EDEM3: variants seen among roughly 807,000 people sequenced by gnomAD.
EDEM3 encodes ER degradation enhancing alpha-mannosidase like protein 3, also known as ER degradation-enhancing alpha-mannosidase-like protein 3.
Under a neutral mutation model 110.2 loss-of-function variants are expected in EDEM3, and 60 were observed. The ratio of observed to expected loss-of-function variants is 0.54; its 90% CI spans 0.44 to 0.67. The LOEUF is 0.67. EDEM3 is among the 30% of genes least tolerant of loss of function. EDEM3 has a pLI of 0.00. For missense variants in EDEM3, 996 were observed against 1,121.0 expected (o/e 0.89, Z 1.59); for synonymous variants, 352 against 382.9 (o/e 0.92, Z 0.94).
chr1:184,754,495 T>G lies in EDEM3; in HGVS notation c.152A>C (p.Lys51Thr). The stretch of plus-strand genomic sequence containing the variant: ...AGGCTGCCAGCACCCTTACCCAAGC[T>G]TCTGTTTCTCCTCCCTACTCATGGG... Reference protein sequence around the residue: ...AEPMSREEKQKLGNQVLEMFD... With the variant: ...AEPMSREEKQTLGNQVLEMFD... Residue 51 changes from lysine to threonine, a missense_variant, in exon 1 of 20, where the codon AAG becomes ACG. Transcript: ENST00000318130. 6.2e-7 allele frequency: 1 copy of G among 1,611,442 alleles called. No homozygotes were observed.
In EDEM3 at chr1:184,754,658, T is replaced by C. The variant is rs760339526; in HGVS notation, c.-12A>G. 1.3e-6 allele frequency: 2 copies of C among 1,541,918 alleles called. No individual in the cohort carries two copies. On this transcript the variant is annotated 5_prime_UTR_variant, in exon 1 of 20. Coordinates refer to ENST00000318130, the MANE Select transcript of EDEM3 (RefSeq NM_025191.4). ...CCGGCTTCGCTCATGGCCCCGCGGT[T>C]CCGCGCACGCGCAGCTGCTACGCCC...
intron 15 of EDEM3, among the ~76,000 whole-genome samples, chr1:184,710,750 AG>A (rs988054962): frequency 5.9e-5 from 9 of 152,202 alleles, no homozygotes; most frequent in African/African-American, 2.2e-4. Context: ...TAGTTATAAA[AG>A]TTTGTATATT....
chr1:184,742,051 C>T (rs1172162098), intron 2 of EDEM3, among the ~76,000 whole-genome samples: 1 of 152,166 alleles, frequency 6.6e-6, no homozygotes, highest in Non-Finnish European at 1.5e-5. Context: ...CAACTCTCTC[C>T]TACTGCCTCT....
intron 9 of EDEM3, among the ~76,000 whole-genome samples, chr1:184,719,867 A>T (rs1041715952): frequency 7.9e-5 from 12 of 152,206 alleles, no homozygotes; most frequent in Admixed American, 7.9e-4. Flanking sequence ...CGTGGTTGGT[A>T]TGACTTTGCG....
Position 184,693,965 on chromosome 1 carries a change from G to T in EDEM3, c.*98C>A. 1.6e-6 allele frequency: 2 copies of T among 1,285,988 alleles called. No homozygotes were observed. Among genetic ancestry groups the T allele is most frequent in the Non-Finnish European group, 1.1e-6 (1 of 935,228 alleles). 79.7% of individuals were successfully genotyped at this position (1,285,988 alleles called of 1,614,324 possible). A position where few individuals can be genotyped will look rare whatever the true frequency, so the allele number is the denominator to read the frequency against. ...GTGGTTGTTCATCACCATACTTAAAGCCTCCCATTAGAAAGCCTGCTTAGT... is the reference window on the plus strand; with the variant it reads ...GTGGTTGTTCATCACCATACTTAAATCCTCCCATTAGAAAGCCTGCTTAGT... On this transcript the variant is annotated 3_prime_UTR_variant, in exon 20 of 20. Coordinates refer to ENST00000318130, the MANE Select transcript of EDEM3 (RefSeq NM_025191.4).
At chr1:184,708,454 C>CT in intron 16 of EDEM3, 110 bp from the exon 17 acceptor site, 1 of 1,033,594 alleles carries the variant, frequency 9.7e-7, no homozygotes, top group Non-Finnish European at 1.4e-6. Flanking sequence ...CTTCTTCTTT[C>CT]ACTTTAGGTC....
rs1558057577 is a variant in EDEM3, at chr1:184,723,864, TTAAAA to T, written c.748-13_748-9del. 1.5e-6 allele frequency: 2 copies of T among 1,304,304 alleles called. No homozygotes were observed. Among genetic ancestry groups the T allele is most frequent in the Admixed American group, 3.6e-5 (1 of 27,912 alleles). 80.8% of individuals were successfully genotyped at this position (1,304,304 alleles called of 1,614,324 possible). A position where few individuals can be genotyped will look rare whatever the true frequency, so the allele number is the denominator to read the frequency against. On this transcript the variant is annotated splice_polypyrimidine_tract_variant and intron_variant, in intron 7 of 19. Transcript: ENST00000318130. ...AGCTTTTCTGGCATATTCCTGTAAT[TTAAAA>T]AAAAAAAAAAAAAAAAGAAGTGCAT...
Position 184,737,077 on chromosome 1 carries a change from C to T in EDEM3, c.306-13G>A, listed in dbSNP as rs1558066688. The T allele has an allele frequency of 5.1e-6, 8 of 1,554,116 alleles. No homozygotes were observed. The highest frequency in any genetic ancestry group is 3.4e-5 in the South Asian group (3 of 88,984). On this transcript the variant is annotated splice_polypyrimidine_tract_variant and intron_variant, in intron 3 of 19. Transcript: ENST00000318130. ...TGTCAGAGAAAATCTAAGAAACAAG[C>T]GTTAACAAGATATAAAACATTAGAA...
chr1:184,701,416 A>G, intron 19 of EDEM3: 1 of 787,118 alleles, frequency 1.3e-6, no homozygotes, highest in Non-Finnish European at 1.7e-6. Context: ...ACAAAATTAT[A>G]TATGTACTTG....
intron 2 of EDEM3, among the ~76,000 whole-genome samples, chr1:184,748,395 T>C (rs1051850009): frequency 1.3e-5 from 2 of 150,916 alleles, no homozygotes; most frequent in Non-Finnish European, 2.9e-5. Context: ...TGCAGTGAGC[T>C]GAGATAGTGC....
chr1:184,735,724 C>T (rs1394985107), intron 4 of EDEM3, among the ~76,000 whole-genome samples: 1 of 152,200 alleles, frequency 6.6e-6, no homozygotes, highest in Non-Finnish European at 1.5e-5. Flanking sequence ...CCTTCTCAAT[C>T]TCAAAGTCCA....
rs909487576 is a variant in EDEM3 at position 184,706,947 on chromosome 1, T to A, written c.2038-139A>T. On this transcript the variant is annotated intron_variant, in intron 17 of 19. Transcript: ENST00000318130. Reference sequence around the variant, plus strand: ...TAACGTATCTAACATATAGTCACCATAAAATATTGTTTTAAACATTTTGCA... The same window carrying A: ...TAACGTATCTAACATATAGTCACCAAAAAATATTGTTTTAAACATTTTGCA... 1.2e-5 allele frequency: 11 copies of A among 887,848 alleles called. No individual in the cohort carries two copies. In the Admixed American group the frequency reaches 2.1e-4, roughly 17 times the overall value. 55.0% of individuals were successfully genotyped at this position (887,848 alleles called of 1,614,324 possible). A position where few individuals can be genotyped will look rare whatever the true frequency, so the allele number is the denominator to read the frequency against.
chr1:184,745,308 C>T (rs2102131444), intron 2 of EDEM3, among the ~76,000 whole-genome samples: 1 of 151,906 alleles, frequency 6.6e-6, no homozygotes, highest in South Asian at 2.1e-4. Context: ...GATGATAGTC[C>T]CACAACAGTC....
At chr1:184,694,972 G>C (rs1649254402) in intron 19 of EDEM3, among the ~76,000 whole-genome samples, 6 of 151,796 alleles carry the variant, frequency 4.0e-5, no homozygotes. Context: ...AGATTTTTTT[G>C]AATGACTAAG....
At position 184,717,598 on chromosome 1, in the gene EDEM3, T is replaced by C. The variant is rs778099486; in HGVS notation, c.1187A>G (p.His396Arg). 9 of 1,605,198 alleles carry C rather than the reference T, an allele frequency of 5.6e-6. No homozygotes were observed. Among genetic ancestry groups the C allele is most frequent in the Non-Finnish European group, 7.6e-6 (9 of 1,176,624 alleles). The change falls in exon 12 of 20, where the codon CAC becomes CGC. Residue 396 changes from histidine to arginine, a missense_variant. His to Arg is a conservative substitution (Grantham distance 29). This residue lies in a region of EDEM3 where 310 missense variants were observed against 394.6 expected (regional missense o/e 0.79). Coordinates refer to ENST00000318130, the MANE Select transcript of EDEM3 (RefSeq NM_025191.4). ...TGGCCTTAAAGGATGTTGAGCCCAG[T>C]GTACTCTGAAATCTGTGGTAAATGC... is the stretch of plus-strand genomic sequence containing the variant. ...PEAFTTDFRV[H>R]WAQHPLRPEF...
chr1:184,739,439 A>C lies in EDEM3; in HGVS notation c.205-1728T>G, dbSNP rs555980683. ...TTATTATATAAAAATTATTTTATTA[A>C]GTTTACCCTTCTGGAGAACTTTGAT... On this transcript the variant is annotated intron_variant, in intron 2 of 19. Transcript: ENST00000318130. 5.9e-5 allele frequency among the ~76,000 whole-genome samples: 9 copies of C among 151,378 alleles called. No individual in the cohort carries two copies. The South Asian group carries it at 1.2e-3, about 21-fold the overall frequency.
intron 4 of EDEM3, among the ~76,000 whole-genome samples, chr1:184,735,368 T>A (rs980554741): frequency 6.6e-6 from 1 of 152,196 alleles, no homozygotes; most frequent in Non-Finnish European, 1.5e-5. Context: ...ACCATGCAGA[T>A]CTAGAATCCT....
Position 184,737,259 on chromosome 1 carries a change from G to A in EDEM3, c.306-195C>T, listed in dbSNP as rs917271380. ...TTACATTTATGTTCAATGAATCTAC[G>A]TATCTTCAAGAGTCATAGAAACATT... On this transcript the variant is annotated intron_variant, in intron 3 of 19. Transcript: ENST00000318130. Among the ~76,000 whole-genome samples, 5 of 152,100 alleles carry A rather than the reference G, an allele frequency of 3.3e-5. No homozygotes were observed. The East Asian group carries it at 5.8e-4, about 18-fold the overall frequency.
At chr1:184,726,163 TC>T in intron 7 of EDEM3, 91 bp downstream of exon 7, 1 of 1,456,286 alleles carries the variant, frequency 6.9e-7, no homozygotes, top group South Asian at 1.5e-5. Context: ...ACAGTAATTC[TC>T]CAACTAATAA....
Sources: gnomAD v4.1 joint callset for allele counts (sites outside exome capture counted in the v4.1 genomes callset) on GRCh38, gnomAD v4.1.1 for gene constraint, gnomAD v4.1.1 regional missense constraint, MANE v1.5 for transcripts, NCBI Gene and HGNC (gene_info 2026-07-23, HGNC 2026-07-21) for gene names.